OR14A2: variants seen among roughly 807,000 people sequenced by gnomAD.
OR14A2 encodes olfactory receptor 14A2.
For synonymous variants in OR14A2, 114 were observed against 58.6 expected, an observed-to-expected ratio of 1.95 and a Z score of -4.32; for missense variants, 237 against 152.9, an observed-to-expected ratio of 1.55 and a Z score of -2.90.
At chr1:247,739,156 C>T in the OR14A2 span, 4 of 780,860 alleles carry the variant, frequency 5.1e-6, no homozygotes, top group Admixed American at 1.7e-5. Context: ...GATGTCCCTG[C>T]CCTACTAAAG....
chr1:247,731,791 G>T, the OR14A2 span, among the ~76,000 whole-genome samples: 1 of 151,894 alleles, frequency 6.6e-6, no homozygotes, highest in East Asian at 1.9e-4. Flanking sequence ...TCTTAATTGA[G>T]ATAAATGACC....
the OR14A2 span, among the ~76,000 whole-genome samples, chr1:247,730,629 T>C: frequency 1.1e-4 from 17 of 152,172 alleles, no homozygotes; most frequent in Admixed American, 7.9e-4. Flanking sequence ...CTACTTATAA[T>C]TGATAATGCA....
At chr1:247,744,350 G>A in the OR14A2 span, among the ~76,000 whole-genome samples, 1 of 152,032 alleles carries the variant, frequency 6.6e-6, no homozygotes, top group African/African-American at 2.4e-5. The surrounding 1 kb of genome is among the most constrained non-coding windows in gnomAD (Gnocchi z 4.3). Flanking sequence ...GTTGATTAAG[G>A]AAAATAGAAA....
chr1:247,747,174 A>G, the OR14A2 span: 1 of 152,138 alleles, frequency 6.6e-6, no homozygotes. Context: ...TGACATGTAC[A>G]GTTGGGATCT....
the OR14A2 span, among the ~76,000 whole-genome samples, chr1:247,745,499 T>C: frequency 6.6e-6 from 1 of 151,814 alleles, no homozygotes; most frequent in Non-Finnish European, 1.5e-5. Flanking sequence ...GCCAGAAGCC[T>C]TAAAGGAAAA....
chr1:247,738,801 C>T, the OR14A2 span: 100 of 780,850 alleles, frequency 1.3e-4, 1 homozygote, highest in East Asian at 2.4e-3. Flanking sequence ...TTTCCTCCGA[C>T]ATTTGTCCTT....
chr1:247,730,250 T>C, the OR14A2 span, among the ~76,000 whole-genome samples: 1 of 152,048 alleles, frequency 6.6e-6, no homozygotes, highest in Non-Finnish European at 1.5e-5. Flanking sequence ...CAAACCCTGA[T>C]GACACCAAAC....
chr1:247,729,469 C>T, the OR14A2 span, among the ~76,000 whole-genome samples: 2 of 152,052 alleles, frequency 1.3e-5, no homozygotes, highest in African/African-American at 4.8e-5. Flanking sequence ...CTGAAACATA[C>T]AACAAGCCAA....
the OR14A2 span, among the ~76,000 whole-genome samples, chr1:247,743,332 T>C: frequency 8.5e-5 from 13 of 152,086 alleles, no homozygotes; most frequent in Non-Finnish European, 1.9e-4. Context: ...CTGCCTCCAC[T>C]GGAGTGTCTA....
chr1:247,723,264 T>C (rs1572468204), exon 1 of OR14A2: 1 of 717,602 alleles, frequency 1.4e-6, no homozygotes, highest in East Asian at 2.7e-5. Flanking sequence ...AATTTGAAGG[T>C]GGCTTAAGAT....
chr1:247,733,213 G>A, the OR14A2 span, among the ~76,000 whole-genome samples: 1 of 152,098 alleles, frequency 6.6e-6, no homozygotes, highest in South Asian at 2.1e-4. Context: ...ATATTCACCT[G>A]TCTCTCTAGA....
upstream of OR14A2, among the ~76,000 whole-genome samples, chr1:247,725,516 T>TATTA (rs1362030761): frequency 1.3e-4 from 19 of 146,220 alleles, no homozygotes; most frequent in African/African-American, 4.0e-4. Flanking sequence ...TTTATTTATT[T>TATTA]TTTATTTATT....
chr1:247,731,062 C>CT, the OR14A2 span, among the ~76,000 whole-genome samples: 2 of 152,038 alleles, frequency 1.3e-5, no homozygotes, highest in Admixed American at 1.3e-4. Flanking sequence ...ATACTATTAA[C>CT]TTTTTTTAGT....
exon 1 of OR14A2, chr1:247,724,028 A>G: frequency 1.4e-6 from 1 of 712,546 alleles, no homozygotes; most frequent in Non-Finnish European, 2.6e-6. Flanking sequence ...CCTGTCACCA[A>G]GGTGACATTG....
At chr1:247,739,106 G>T in the OR14A2 span, 2,321 of 780,754 alleles carry the variant, frequency 3.0e-3, 22 homozygotes, top group African/African-American at 0.028. Context: ...CATTCTCTCT[G>T]AATTTTTATG....
At chr1:247,738,711 T>A in the OR14A2 span, 4 of 780,866 alleles carry the variant, frequency 5.1e-6, no homozygotes. Context: ...CTCACTGATC[T>A]ACCTCACGGC....
At chr1:247,737,979 T>C in the OR14A2 span, among the ~76,000 whole-genome samples, 3 of 152,314 alleles carry the variant, frequency 2.0e-5, no homozygotes, top group African/African-American at 7.2e-5. Flanking sequence ...TGAAAACTGA[T>C]TTGTGAAAAT....
the OR14A2 span, among the ~76,000 whole-genome samples, chr1:247,740,126 G>A: frequency 6.6e-6 from 1 of 152,168 alleles, no homozygotes; most frequent in Non-Finnish European, 1.5e-5. Context: ...CATTGCATGA[G>A]ATTTGTATGA....
chr1:247,733,748 A>G, the OR14A2 span, among the ~76,000 whole-genome samples: 1 of 152,220 alleles, frequency 6.6e-6, no homozygotes, highest in Admixed American at 6.5e-5. Context: ...TGAAAGCCAG[A>G]ATGTTTATTC....
Sources: gnomAD v4.1 joint callset for allele counts (sites outside exome capture counted in the v4.1 genomes callset) on GRCh38, gnomAD v4.1.1 for gene constraint, Gnocchi (gnomAD v3.1) non-coding constraint, MANE v1.5 for transcripts, NCBI Gene and HGNC (gene_info 2026-07-23, HGNC 2026-07-21) for gene names.